Variants in SLC27A6 observed in about 807,000 individuals in gnomAD.
SLC27A6 encodes solute carrier family 27 member 6, also known as long-chain fatty acid transport protein 6.
Under a neutral mutation model 63.9 loss-of-function variants are expected in SLC27A6, and 74 were observed. The observed-to-expected ratio is 1.16, with a 90% CI of 0.96 to 1.40. The LOEUF (loss-of-function observed/expected upper bound fraction) is 1.40. SLC27A6 is among the 40% of genes most tolerant of loss of function. The pLI is 0.00. For missense variants in SLC27A6, 794 were observed against 732.9 expected, an observed-to-expected ratio of 1.08 and a Z score of -0.96; for synonymous variants, 287 against 260.8, an observed-to-expected ratio of 1.10 and a Z score of -0.97.
At chr5:128,999,715 G>T (rs543715519) in intron 4 of SLC27A6, among the ~76,000 whole-genome samples, 1 of 152,110 alleles carries the variant, frequency 6.6e-6, no homozygotes, top group South Asian at 2.1e-4. Context: ...CCCTTGGACT[G>T]TTCCCCCCCT....
At chr5:129,026,298 G>A (rs557753743) in intron 6 of SLC27A6, among the ~76,000 whole-genome samples, 14 of 152,200 alleles carry the variant, frequency 9.2e-5, no homozygotes, top group Non-Finnish European at 2.1e-4. Flanking sequence ...TTGTCCTCTC[G>A]TCTTCTCTTA....
intron 5 of SLC27A6, among the ~76,000 whole-genome samples, chr5:129,021,544 A>G (rs971765500): frequency 6.6e-6 from 1 of 152,192 alleles, no homozygotes; most frequent in East Asian, 1.9e-4. Context: ...CAGTTCTGCT[A>G]TGAATGGGAC....
intron 1 of SLC27A6, among the ~76,000 whole-genome samples, chr5:128,976,125 C>T (rs2577427): frequency 0.49 from 74,881 of 151,906 alleles, 20,356 homozygotes; most frequent in Non-Finnish European, 0.62. Context: ...AAAACAGATA[C>T]CATGTATGGA....
chr5:128,972,090 C>T (rs1750189979), intron 1 of SLC27A6, among the ~76,000 whole-genome samples: 1 of 152,036 alleles, frequency 6.6e-6, no homozygotes, highest in Non-Finnish European at 1.5e-5. Flanking sequence ...GAATATTGGC[C>T]CCCATTCTCT....
intron 5 of SLC27A6, among the ~76,000 whole-genome samples, chr5:129,016,516 A>T (rs371465532): frequency 1.5e-4 from 23 of 148,516 alleles, no homozygotes; most frequent in African/African-American, 5.7e-4. Context: ...GAGAATTTCT[A>T]GAAATAGAGT....
At chr5:128,994,405 C>T (rs1751086312) in intron 4 of SLC27A6, among the ~76,000 whole-genome samples, 1 of 151,954 alleles carries the variant, frequency 6.6e-6, no homozygotes, top group South Asian at 2.1e-4. Flanking sequence ...CTGTTCTTGG[C>T]ATTACAAATT....
intron 1 of SLC27A6, among the ~76,000 whole-genome samples, chr5:128,981,493 G>A (rs376226899): frequency 2.9e-4 from 43 of 148,364 alleles, no homozygotes; most frequent in East Asian, 1.4e-3. Context: ...AAAAAAAAAA[G>A]AAAAAAAAAT....
At position 129,010,620 on chromosome 5, in the gene SLC27A6, T is replaced by A. The variant is rs1751697195; in HGVS notation, c.970-5265T>A. Among the ~76,000 whole-genome samples, 3 of 152,162 alleles carry A rather than the reference T, an allele frequency of 2.0e-5. No individual in the cohort carries two copies. The South Asian group carries it at 6.2e-4, about 32-fold the overall frequency. Reference sequence around the variant, plus strand: ...TATGTGGAAGAACTGGAGAGAGGCCTCTATGATCTAAGAGCAGCCCCCAGC... The same window carrying A: ...TATGTGGAAGAACTGGAGAGAGGCCACTATGATCTAAGAGCAGCCCCCAGC... On this transcript the variant is annotated intron_variant, in intron 4 of 9. Transcript: ENST00000262462.
intron 1 of SLC27A6, among the ~76,000 whole-genome samples, chr5:128,970,105 G>T (rs1409121295): frequency 6.8e-6 from 1 of 147,838 alleles, no homozygotes; most frequent in Non-Finnish European, 1.5e-5. Flanking sequence ...TGCATCCCAG[G>T]GATGAAGCCC....
At position 129,023,817 on chromosome 5, in the gene SLC27A6, A is replaced by G. The variant is rs1414425766; in HGVS notation, c.1255+107A>G. ...ATTGGTTCCAGGACCCCGGGTAGAC[A>G]CCAAAATTCATGGATGTTTGCTCCT... On this transcript the variant is annotated intron_variant, in intron 6 of 9. Coordinates refer to ENST00000262462, the MANE Select transcript of SLC27A6 (RefSeq NM_001017372.3). 5.5e-6 allele frequency: 4 copies of G among 726,310 alleles called. No homozygotes were observed. The East Asian group carries it at 1.0e-4, about 19-fold the overall frequency. 45.0% of individuals were successfully genotyped at this position (726,310 alleles called of 1,614,324 possible).
intron 4 of SLC27A6, among the ~76,000 whole-genome samples, chr5:129,015,565 A>T (rs114277007): frequency 0.016 from 2,481 of 152,276 alleles, 74 homozygotes; most frequent in African/African-American, 0.058. Flanking sequence ...GTTTCATGTT[A>T]TCAAAGTAAT....
At position 129,019,738 on chromosome 5, in the gene SLC27A6, G is replaced by A. The variant is rs142353967; in HGVS notation, c.1164+3659G>A. 4.5e-3 allele frequency among the ~76,000 whole-genome samples: 684 copies of A among 151,982 alleles called. 11 individuals carry two copies. Among genetic ancestry groups the A allele is most frequent in the Non-Finnish European group, 1.5e-3 (102 of 67,920 alleles). Reference sequence around the variant, plus strand: ...CACATAAAATAAAAGGAATGTAAACGTTGTTAGGGAGAAAGATGAGTGGAA... The same window carrying A: ...CACATAAAATAAAAGGAATGTAAACATTGTTAGGGAGAAAGATGAGTGGAA... On this transcript the variant is annotated intron_variant, in intron 5 of 9. Coordinates refer to ENST00000262462, the MANE Select transcript of SLC27A6 (RefSeq NM_001017372.3).
At chr5:129,027,053 GATATA>G in intron 6 of SLC27A6, 75 bp from the exon 7 acceptor site, 1 of 1,184,698 alleles carries the variant, frequency 8.4e-7, no homozygotes, top group Non-Finnish European at 1.3e-6. Flanking sequence ...GTGCTGGCCA[GATATA>G]ATATAGATAC....
At chr5:129,005,740 G>A (rs899920646) in intron 4 of SLC27A6, among the ~76,000 whole-genome samples, 6 of 150,362 alleles carry the variant, frequency 4.0e-5, no homozygotes, top group African/African-American at 1.5e-4. Context: ...AGCCTCCCGA[G>A]TAGCTGGGAC....
intron 1 of SLC27A6, among the ~76,000 whole-genome samples, chr5:128,981,852 C>T (rs1750603007): frequency 6.8e-6 from 1 of 148,072 alleles, no homozygotes; most frequent in African/African-American, 2.5e-5. Context: ...CTCACTCTGT[C>T]CCCTAAGCTG....
In SLC27A6 at chr5:129,013,829, A is replaced by G. The variant is rs1183007135; in HGVS notation, c.970-2056A>G. 2.0e-5 allele frequency among the ~76,000 whole-genome samples: 3 copies of G among 151,984 alleles called. No homozygotes were observed. The East Asian group carries it at 5.8e-4, about 29-fold the overall frequency. ...TTTTGGCATGTTCTTTGCGTCTCAT[A>G]TGTCTTTTACTTCCTTTTACATATT... is the stretch of plus-strand genomic sequence containing the variant. On this transcript the variant is annotated intron_variant, in intron 4 of 9. Transcript: ENST00000262462.
intron 1 of SLC27A6, among the ~76,000 whole-genome samples, chr5:128,969,774 G>A (rs1404334497): frequency 6.6e-6 from 1 of 152,044 alleles, no homozygotes; most frequent in Non-Finnish European, 1.5e-5. Context: ...CTGCCTGATT[G>A]CCCTGGCCAG....
In SLC27A6 at chr5:128,993,685, T is replaced by G. The variant is rs186625536; in HGVS notation, c.969+3221T>G. Among the ~76,000 whole-genome samples the G allele has an allele frequency of 5.2e-3, 798 of 152,334 alleles. 4 individuals carry two copies. The highest frequency in any genetic ancestry group is 9.0e-3 in the Non-Finnish European group (615 of 68,024). On this transcript the variant is annotated intron_variant, in intron 4 of 9. Coordinates refer to ENST00000262462, the MANE Select transcript of SLC27A6 (RefSeq NM_001017372.3). ...TCTCAGTGTTTTTCTTTAAATTTTT[T>G]AAAGAAATGAAATATTCTTTTTAAC...
chr5:128,979,809 C>A (rs1011278437), intron 1 of SLC27A6, among the ~76,000 whole-genome samples: 2 of 152,106 alleles, frequency 1.3e-5, no homozygotes, highest in Non-Finnish European at 2.9e-5. Context: ...CACATAAACC[C>A]ACTTAGAAAC....
Sources: allele counts gnomAD v4.1 joint callset (sites outside exome capture counted in the v4.1 genomes callset), GRCh38; gene constraint gnomAD v4.1.1; transcripts MANE v1.5; gene names NCBI Gene and HGNC (gene_info 2026-07-23, HGNC 2026-07-21).